The following ULK4 variants were observed in gnomAD, a reference collection of about 807,000 sequenced individuals.
ULK4 encodes unc-51 like kinase 4.
ULK4 carries 133 observed loss-of-function variants against 160.6 expected under a neutral mutation model. That is an observed-to-expected ratio of 0.83 (90% CI 0.72 to 0.96). ULK4 has a LOEUF of 0.96. Ranked by LOEUF, ULK4 falls within the 40% of genes least tolerant of loss-of-function variation. The pLI is 0.00. For synonymous variants in ULK4, 534 were observed against 539.8 expected, an observed-to-expected ratio of 0.99 and a Z score of 0.15; for missense variants, 1,580 against 1,499.5, an observed-to-expected ratio of 1.05 and a Z score of -0.89.
intron 32 of ULK4, among the ~76,000 whole-genome samples, chr3:41,561,934 T>C (rs1201236158): frequency 6.6e-6 from 1 of 152,204 alleles, no homozygotes; most frequent in Non-Finnish European, 1.5e-5. Flanking sequence ...GCTTCTCTAG[T>C]TCTTTTAATT....
At chr3:41,420,715 C>T in intron 34 of ULK4, among the ~76,000 whole-genome samples, 1 of 150,674 alleles carries the variant, frequency 6.6e-6, no homozygotes. Context: ...AAACTCCCAA[C>T]CTCAGGTGAT....
intron 35 of ULK4, among the ~76,000 whole-genome samples, chr3:41,389,257 T>C (rs1330721598): frequency 6.6e-6 from 1 of 152,192 alleles, no homozygotes; most frequent in Non-Finnish European, 1.5e-5. Context: ...CCTATCAGCT[T>C]GAGGAGATTT....
At chr3:41,853,234 T>C (rs920349105) in intron 17 of ULK4, among the ~76,000 whole-genome samples, 2 of 152,146 alleles carry the variant, frequency 1.3e-5, no homozygotes, top group Non-Finnish European at 2.9e-5. Flanking sequence ...TTCTAACAGG[T>C]TGCCAATTAA....
At chr3:41,684,186 T>C (rs2036022162) in intron 27 of ULK4, among the ~76,000 whole-genome samples, 1 of 152,226 alleles carries the variant, frequency 6.6e-6, no homozygotes, top group African/African-American at 2.4e-5. Flanking sequence ...TGCTTTGCTC[T>C]TACGGAAGCT....
intron 21 of ULK4, among the ~76,000 whole-genome samples, chr3:41,777,645 A>C (rs1450714446): frequency 9.4e-6 from 1 of 106,422 alleles, no homozygotes; most frequent in African/African-American, 4.2e-5. Flanking sequence ...TTGGTTTCAA[A>C]GAACATCTTT....
intron 2 of ULK4, among the ~76,000 whole-genome samples, chr3:41,953,285 C>CACACACATATATAT (rs374288098): frequency 1.2e-5 from 1 of 85,928 alleles, no homozygotes; most frequent in East Asian, 3.7e-4. Flanking sequence ...CATATATACA[C>CACACACATATATAT]ATATATATAT....
intron 35 of ULK4, among the ~76,000 whole-genome samples, chr3:41,357,773 T>C (rs530297682): frequency 6.6e-6 from 1 of 152,310 alleles, no homozygotes; most frequent in Non-Finnish European, 1.5e-5. Flanking sequence ...AAAGGAGACA[T>C]GTAGATTTGA....
intron 32 of ULK4, among the ~76,000 whole-genome samples, chr3:41,549,428 G>T (rs1575397865): frequency 6.6e-6 from 1 of 152,016 alleles, no homozygotes; most frequent in Admixed American, 6.6e-5. Context: ...TTCAATAATA[G>T]ACCATATAAA....
intron 31 of ULK4, among the ~76,000 whole-genome samples, chr3:41,607,828 G>C (rs779241716): frequency 6.6e-6 from 1 of 152,132 alleles, no homozygotes; most frequent in Non-Finnish European, 1.5e-5. Flanking sequence ...GCACACTTAG[G>C]AACATGCACA....
chr3:41,267,106 A>T (rs1211370305), intron 35 of ULK4, among the ~76,000 whole-genome samples: 1 of 148,378 alleles, frequency 6.7e-6, no homozygotes, highest in Non-Finnish European at 1.5e-5. Flanking sequence ...ACATAGGTAT[A>T]CGTGTGCCAC....
chr3:41,571,683 T>C (rs2087978613), intron 31 of ULK4, among the ~76,000 whole-genome samples: 1 of 152,196 alleles, frequency 6.6e-6, no homozygotes, highest in African/African-American at 2.4e-5. Context: ...TGATTCTGAC[T>C]AAAGACTATT....
At chr3:41,464,513 T>G (rs193034541) in intron 32 of ULK4, among the ~76,000 whole-genome samples, 29 of 152,316 alleles carry the variant, frequency 1.9e-4, no homozygotes, top group African/African-American at 6.7e-4. Flanking sequence ...ATATCATCAA[T>G]GATACATAGT....
chr3:41,632,385 T>A (rs1327427401), intron 30 of ULK4, among the ~76,000 whole-genome samples: 1 of 152,240 alleles, frequency 6.6e-6, no homozygotes, highest in Non-Finnish European at 1.5e-5. Flanking sequence ...TTGGTCCGGA[T>A]AACTTAATGG....
chr3:41,300,837 T>TTACATATATATATATA (rs1553640530), intron 35 of ULK4, among the ~76,000 whole-genome samples: 3 of 57,868 alleles, frequency 5.2e-5, no homozygotes, highest in African/African-American at 1.4e-4. Flanking sequence ...ATTTTACAGA[T>TTACATATATATATATA]TATATATATA....
chr3:41,337,904 G>A (rs2080597847), intron 35 of ULK4, among the ~76,000 whole-genome samples: 1 of 152,150 alleles, frequency 6.6e-6, no homozygotes, highest in Non-Finnish European at 1.5e-5. Flanking sequence ...GGTAAAGATG[G>A]ACACTGAAAG....
chr3:41,390,458 T>C (rs1278675137), intron 35 of ULK4, among the ~76,000 whole-genome samples: 2 of 152,186 alleles, frequency 1.3e-5, no homozygotes, highest in Non-Finnish European at 2.9e-5. Flanking sequence ...ATTGTGATGT[T>C]AGGGTGTCAA....
chr3:41,483,313 C>T (rs181240609), intron 32 of ULK4, among the ~76,000 whole-genome samples: 2 of 152,238 alleles, frequency 1.3e-5, no homozygotes, highest in Admixed American at 1.3e-4. Context: ...CTTTAAATAA[C>T]ACATTTGCTC....
At chr3:41,774,099 G>C (rs1315149259) in intron 21 of ULK4, among the ~76,000 whole-genome samples, 3 of 152,160 alleles carry the variant, frequency 2.0e-5, no homozygotes, top group Non-Finnish European at 4.4e-5. Flanking sequence ...TTAAATGTTA[G>C]ACCTAAAACC....
Position 41,582,272 on chromosome 3 carries a change from T to A in ULK4, c.3121-16142A>T, listed in dbSNP as rs187465507. 3.4e-4 allele frequency among the ~76,000 whole-genome samples: 51 copies of A among 152,218 alleles called. 1 individual carries two copies. The highest frequency in any genetic ancestry group is 1.2e-3 in the African/African-American group (48 of 41,540). Reference sequence around the variant, plus strand: ...CGCCTTCTGCCATGATTGTAAGACTTCCCCAGCCATGTGGAACTGTGAGTC... The same window carrying A: ...CGCCTTCTGCCATGATTGTAAGACTACCCCAGCCATGTGGAACTGTGAGTC... On this transcript the variant is annotated intron_variant, in intron 31 of 36. Transcript: ENST00000301831.
Sources: allele counts gnomAD v4.1 joint callset (sites outside exome capture counted in the v4.1 genomes callset), GRCh38; gene constraint gnomAD v4.1.1; transcripts MANE v1.5; gene names NCBI Gene and HGNC (gene_info 2026-07-23, HGNC 2026-07-21).